The following CDHR3 variants were observed in gnomAD, a reference collection of about 807,000 sequenced individuals.
CDHR3 encodes cadherin related family member 3, also known as cadherin-related family member 3.
A neutral mutation model predicts 86.6 loss-of-function variants in CDHR3; 79 were observed. The ratio of observed to expected loss-of-function variants is 0.91; its 90% CI spans 0.76 to 1.10. The LOEUF (loss-of-function observed/expected upper bound fraction) is 1.10, where lower values mean the gene tolerates loss of function less well. CDHR3 is among the 50% of genes least tolerant of loss of function. CDHR3 has a pLI of 0.00. For synonymous variants in CDHR3, 421 were observed against 402.4 expected (o/e 1.05, Z -0.55); for missense variants, 1,081 against 1,077.6 (o/e 1.00, Z -0.04).
At chr7:105,968,526 A>G (rs1827348952) in intron 1 of CDHR3, among the ~76,000 whole-genome samples, 2 of 151,798 alleles carry the variant, frequency 1.3e-5, no homozygotes, top group Admixed American at 6.6e-5. Flanking sequence ...ACACACTGCT[A>G]ATTTTTGTAT....
rs1299497298 is a variant in CDHR3 at position 106,035,367 on chromosome 7, C to T, written c.*2670C>T. On this transcript the variant is annotated 3_prime_UTR_variant, in exon 19 of 19. Coordinates refer to ENST00000317716, the MANE Select transcript of CDHR3 (RefSeq NM_152750.5). ...CCAGGAGGAGAGAACACCTGCTGCCCCGTTTCTTTTGTATATCCGGCTATT... is the reference window on the plus strand; with the variant it reads ...CCAGGAGGAGAGAACACCTGCTGCCTCGTTTCTTTTGTATATCCGGCTATT... Among the ~76,000 whole-genome samples the T allele has an allele frequency of 6.6e-6, 1 of 152,062 alleles. No homozygotes were observed. Among genetic ancestry groups the T allele is most frequent in the African/African-American group, 2.4e-5 (1 of 41,388 alleles).
chr7:105,981,185 G>T, intron 3 of CDHR3, 52 bp downstream of exon 3: 1 of 1,553,790 alleles, frequency 6.4e-7, no homozygotes, highest in African/African-American at 1.4e-5. Context: ...ATCAGGGAGG[G>T]CCCTGGGGGA....
At chr7:105,986,968 A>G (rs1830617576) in intron 4 of CDHR3, among the ~76,000 whole-genome samples, 1 of 152,228 alleles carries the variant, frequency 6.6e-6, no homozygotes, top group African/African-American at 2.4e-5. Context: ...GACAATTACT[A>G]TAACGTTTGT....
intron 1 of CDHR3, among the ~76,000 whole-genome samples, chr7:105,964,230 C>T (rs1015227595): frequency 2.0e-5 from 3 of 152,030 alleles, no homozygotes; most frequent in African/African-American, 7.2e-5. Flanking sequence ...TTGGTACATT[C>T]TTATTATGGT....
intron 11 of CDHR3, 129 bp downstream of exon 11, chr7:106,016,154 A>G: frequency 1.6e-6 from 1 of 614,838 alleles, no homozygotes; most frequent in Non-Finnish European, 2.9e-6. Context: ...ACAGCTGATT[A>G]GTATTTATTG....
chr7:106,015,307 C>A, intron 10 of CDHR3, 94 bp downstream of exon 10: 1 of 1,087,088 alleles, frequency 9.2e-7, no homozygotes, highest in South Asian at 1.4e-5. Context: ...CTAGGTCCCC[C>A]TTCTCACTAG....
intron 8 of CDHR3, among the ~76,000 whole-genome samples, chr7:106,005,651 C>A (rs923487061): frequency 2.0e-5 from 3 of 152,270 alleles, no homozygotes; most frequent in African/African-American, 7.2e-5. Flanking sequence ...TTTCTCCAGG[C>A]GACTCTGGAC....
At chr7:105,983,085 C>T (rs918778520) in intron 3 of CDHR3, among the ~76,000 whole-genome samples, 1 of 152,148 alleles carries the variant, frequency 6.6e-6, no homozygotes, top group Non-Finnish European at 1.5e-5. Context: ...ACTCACACTT[C>T]CTTCCCCAAT....
chr7:106,011,669 A>G (rs1834828255), intron 8 of CDHR3, among the ~76,000 whole-genome samples: 1 of 152,230 alleles, frequency 6.6e-6, no homozygotes, highest in African/African-American at 2.4e-5. Context: ...ACTAATTGAT[A>G]TCATTTATGT....
In CDHR3 at chr7:106,034,517, C is replaced by CCTG. The variant is rs1403079098; in HGVS notation, c.*1821_*1823dup. The stretch of plus-strand genomic sequence containing the variant: ...AAAGAAGCATTTGCAAAATGCCTGT[C>CCTG]CTGGCCTAGATTGAGCGTGATTTAT... On this transcript the variant is annotated 3_prime_UTR_variant, in exon 19 of 19. Transcript: ENST00000317716. Among the ~76,000 whole-genome samples, 1 of 152,236 alleles carries CCTG rather than the reference C, an allele frequency of 6.6e-6. No homozygotes were observed. The highest frequency in any genetic ancestry group is 2.4e-5 in the African/African-American group (1 of 41,466).
In CDHR3 at chr7:106,033,104, G is replaced by A. The variant is rs1376870318; in HGVS notation, c.*407G>A. ...GTTTCCACCTTATTTTCCTGCCCTC[G>A]TTTTAACATCACCCAGATTTCTTCA... On this transcript the variant is annotated 3_prime_UTR_variant, in exon 19 of 19. Transcript: ENST00000317716. 3 of 169,484 alleles carry A rather than the reference G, an allele frequency of 1.8e-5. No homozygotes were observed. Among genetic ancestry groups the A allele is most frequent in the South Asian group, 1.6e-4 (1 of 6,104 alleles). 10.5% of individuals were successfully genotyped at this position (169,484 alleles called of 1,614,324 possible).
chr7:106,003,136 A>AG (rs1833454676), intron 7 of CDHR3, among the ~76,000 whole-genome samples: 2 of 150,448 alleles, frequency 1.3e-5, no homozygotes, highest in South Asian at 4.2e-4. Context: ...CCTGTCTCAA[A>AG]AAAAAAAAAA....
rs79572831 is a variant in CDHR3 at position 105,984,296 on chromosome 7, G to T, written c.513+7G>T. 9,170 of 1,596,670 alleles carry T rather than the reference G, an allele frequency of 5.7e-3. 327 individuals are homozygous for T. The East Asian group carries it at 0.1, about 18-fold the overall frequency. ...CCGAAACATTCCCCTCAGTGTAAGT[G>T]TCCTTATATGGAAGAGGTGGTGTTT... On this transcript the variant is annotated splice_region_variant and intron_variant, in intron 4 of 18. Transcript: ENST00000317716.
At chr7:105,982,393 C>T (rs1162956024) in intron 3 of CDHR3, among the ~76,000 whole-genome samples, 6 of 143,010 alleles carry the variant, frequency 4.2e-5, no homozygotes, top group Non-Finnish European at 6.0e-5. Flanking sequence ...GGCATGAACC[C>T]GGGAGGTGGA....
At chr7:106,023,157 C>T (rs1324631825) in intron 14 of CDHR3, among the ~76,000 whole-genome samples, 1 of 152,088 alleles carries the variant, frequency 6.6e-6, no homozygotes, top group Non-Finnish European at 1.5e-5. Context: ...TATAGGTTAC[C>T]CAACCATGAT....
chr7:105,987,782 A>C (rs901451035), intron 4 of CDHR3, among the ~76,000 whole-genome samples: 1 of 151,868 alleles, frequency 6.6e-6, no homozygotes, highest in Admixed American at 6.6e-5. Context: ...TCCAAGTCCC[A>C]CTCCTGGAGT....
chr7:105,989,973 A>G (rs1210111126), intron 4 of CDHR3, among the ~76,000 whole-genome samples: 2 of 152,212 alleles, frequency 1.3e-5, no homozygotes, highest in Non-Finnish European at 2.9e-5. Context: ...GGCATTCTTC[A>G]TTCTACTCCA....
intron 1 of CDHR3, among the ~76,000 whole-genome samples, chr7:105,966,978 A>T (rs144948979): frequency 1.1e-4 from 17 of 151,530 alleles, no homozygotes; most frequent in African/African-American, 4.1e-4. Flanking sequence ...ATTATACTTT[A>T]AGTCCTAGGG....
At chr7:105,986,003 T>C (rs2115704476) in intron 4 of CDHR3, among the ~76,000 whole-genome samples, 1 of 152,310 alleles carries the variant, frequency 6.6e-6, no homozygotes, top group East Asian at 1.9e-4. Context: ...GTTGGCACTG[T>C]CCTCTTTTTC....
Sources: allele counts gnomAD v4.1 joint callset (sites outside exome capture counted in the v4.1 genomes callset), GRCh38; gene constraint gnomAD v4.1.1; transcripts MANE v1.5; gene names NCBI Gene and HGNC (gene_info 2026-07-23, HGNC 2026-07-21).